Variants in SF1 observed in about 807,000 individuals in gnomAD.
SF1 encodes the protein splicing factor 1.
Under a neutral mutation model 62.5 loss-of-function variants are expected in SF1, and 7 were observed. That is an observed-to-expected ratio of 0.11 (90% CI 0.06 to 0.21). The LOEUF (loss-of-function observed/expected upper bound fraction) is 0.21. SF1 is among the 10% of genes least tolerant of loss of function. The pLI, the probability that SF1 is intolerant of heterozygous loss-of-function variation, is 1.00. For missense variants in SF1, 578 were observed against 884.0 expected (o/e 0.65, Z 4.39); for synonymous variants, 394 against 323.6 (o/e 1.22, Z -2.33).
At chr11:64,766,822 CT>C (rs1413177930) in intron 12 of SF1, 77 bp downstream of exon 12, 5 of 1,211,676 alleles carry the variant, frequency 4.1e-6, no homozygotes, top group Non-Finnish European at 1.1e-6. Context: ...CACCTGCCTG[CT>C]TGTGTGAGGC....
rs1841710420 is a variant in SF1, at chr11:64,778,495, G to A, written c.-103C>T. ...GGACCCGAATGCGCTGCCGGAGCGC[G>A]CGGAGCCCGTCCTCTCACGCGGCGG... On this transcript the variant is annotated 5_prime_UTR_variant, in exon 1 of 13. Coordinates refer to ENST00000377390, the MANE Select transcript of SF1 (RefSeq NM_004630.4). The A allele has an allele frequency of 2.5e-6, 3 of 1,200,634 alleles. No homozygotes were observed. Among genetic ancestry groups the A allele is most frequent in the Non-Finnish European group, 3.1e-6 (3 of 967,354 alleles). 74.4% of individuals were successfully genotyped at this position (1,200,634 alleles called of 1,614,324 possible).
At chr11:64,766,331 CT>C (rs2058668011) in intron 12 of SF1, 176 bp from the exon 13 acceptor site, 1 of 585,140 alleles carries the variant, frequency 1.7e-6, no homozygotes, top group Non-Finnish European at 3.0e-6. Context: ...CAGGACTACC[CT>C]GGGGTCAGCC....
chr11:64,774,254 C>T (rs1938779661), intron 2 of SF1, among the ~76,000 whole-genome samples: 1 of 152,164 alleles, frequency 6.6e-6, no homozygotes, highest in Non-Finnish European at 1.5e-5. Context: ...ATATGGGGAG[C>T]AGGCGTGTAG....
rs536798920 is a variant in SF1, at chr11:64,767,220, A to C, written c.1374T>G (p.Ser458=). 4 of 1,614,144 alleles carry C rather than the reference A, an allele frequency of 2.5e-6. No homozygotes were observed. The South Asian group carries it at 4.4e-5, about 18-fold the overall frequency. Residue 458 remains serine (S), a synonymous_variant, in exon 11 of 13, where the codon TCT becomes TCG. Transcript: ENST00000377390. ...DQYLGSTPVG[S]GVYRLHQGKG... is the part of the protein sequence containing the mutation. ...TTCCTTGATGCAGGCGATAGACCCC[A>C]GAGCCCACAGGCGTACTTCCCAGGT...
At chr11:64,766,705 AACCAC>A in intron 12 of SF1, 190 bp downstream of exon 12, 2 of 478,010 alleles carry the variant, frequency 4.2e-6, no homozygotes, top group Non-Finnish European at 7.3e-6. Context: ...CCCCAGACAC[AACCAC>A]ACCAAACATC....
intron 6 of SF1, 42 bp downstream of exon 6, chr11:64,769,384 A>C (rs764751023): frequency 3.1e-6 from 5 of 1,613,618 alleles, no homozygotes; most frequent in Non-Finnish European, 4.2e-6. Context: ...GCCTCCACCT[A>C]GGTTTCTGCT....
chr11:64,777,417 T>A (rs1422763617), intron 1 of SF1: 247 of 663,608 alleles, frequency 3.7e-4, no homozygotes, highest in East Asian at 5.5e-4. Flanking sequence ...TGAACAGATT[T>A]AAAAAAAAAA....
At chr11:64,769,647 A>G (rs750287403) in intron 5 of SF1, 38 bp from the exon 6 acceptor site, 1 of 1,567,436 alleles carries the variant, frequency 6.4e-7, no homozygotes, top group Admixed American at 1.7e-5. Flanking sequence ...TACCTGACAA[A>G]TTCACACTCA....
At chr11:64,777,055 A>T (rs1939389952) in intron 1 of SF1, among the ~76,000 whole-genome samples, 1 of 152,174 alleles carries the variant, frequency 6.6e-6, no homozygotes, top group Non-Finnish European at 1.5e-5. Flanking sequence ...TCCCCTCACC[A>T]GTCACTTTTG....
chr11:64,775,964 T>C (rs1939156594), intron 2 of SF1: 1 of 157,274 alleles, frequency 6.4e-6, no homozygotes, highest in Non-Finnish European at 1.4e-5. Context: ...GAAGGGAAGG[T>C]TAAACTCTTA....
chr11:64,770,567 T>G, intron 3 of SF1, 159 bp from the exon 4 acceptor site: 1 of 734,442 alleles, frequency 1.4e-6, no homozygotes, highest in African/African-American at 1.8e-5. Context: ...TCGTGTGGAA[T>G]GGGGAGATGG....
Position 64,778,501 on chromosome 11 carries a change from C to G in SF1, c.-109G>C. 1 of 1,201,098 alleles carries G rather than the reference C, an allele frequency of 8.3e-7. No individual in the cohort carries two copies. Among genetic ancestry groups the G allele is most frequent in the Non-Finnish European group, 1.0e-6 (1 of 967,780 alleles). The allele number at this position is 1,201,098 out of a possible 1,614,324, so 74.4% of individuals were successfully genotyped here. A position where few individuals can be genotyped will look rare whatever the true frequency, so the allele number is the denominator to read the frequency against. On this transcript the variant is annotated 5_prime_UTR_variant, in exon 1 of 13. Transcript: ENST00000377390. ...GAATGCGCTGCCGGAGCGCGCGGAG[C>G]CCGTCCTCTCACGCGGCGGGCGGCG...
chr11:64,778,394 G>A lies in SF1; in HGVS notation c.-2C>T. The A allele has an allele frequency of 8.1e-7, 1 of 1,228,526 alleles. No individual in the cohort carries two copies. Among genetic ancestry groups the A allele is most frequent in the Non-Finnish European group, 1.0e-6 (1 of 984,728 alleles). 76.1% of individuals were successfully genotyped at this position (1,228,526 alleles called of 1,614,324 possible). The stretch of plus-strand genomic sequence containing the variant: ...CGTGGCGTTCGCTCCGGTCGCCATG[G>A]CGCCCCCGGGGACAGGCACCGGCAC... On this transcript the variant is annotated 5_prime_UTR_variant, in exon 1 of 13. Transcript: ENST00000377390.
chr11:64,776,396 A>G, intron 2 of SF1, 102 bp downstream of exon 2: 1 of 1,327,024 alleles, frequency 7.5e-7, no homozygotes, highest in Non-Finnish European at 1.1e-6. Flanking sequence ...ATCTCATCTC[A>G]AAAAAGATAA....
intron 7 of SF1, 22 bp downstream of exon 7, chr11:64,769,201 C>T: frequency 6.2e-7 from 1 of 1,611,674 alleles, no homozygotes; most frequent in Non-Finnish European, 8.5e-7. Context: ...TCTCTACACT[C>T]TCCTTTAAAC....
intron 8 of SF1, 84 bp from the exon 9 acceptor site, chr11:64,768,370 G>T: frequency 7.7e-7 from 1 of 1,295,594 alleles, no homozygotes; most frequent in Non-Finnish European, 1.1e-6. Context: ...CCAACATATG[G>T]AAAGTTCTGA....
chr11:64,777,911 T>TCGCCGC (rs962106696), intron 1 of SF1: 40 of 955,000 alleles, frequency 4.2e-5, no homozygotes, highest in Non-Finnish European at 4.5e-5. Flanking sequence ...GCAGCCGCCG[T>TCGCCGC]CGCCGCCGCC....
intron 12 of SF1, 24 bp from the exon 13 acceptor site, chr11:64,766,179 G>T: frequency 6.3e-7 from 1 of 1,596,648 alleles, no homozygotes. Flanking sequence ...GAAGCCCAAG[G>T]TCACACGCGC....
rs1939769254 is a variant in SF1 at position 64,778,404 on chromosome 11, G to A, written c.-12C>T. 1.6e-6 allele frequency: 2 copies of A among 1,228,336 alleles called. No individual in the cohort carries two copies. The highest frequency in any genetic ancestry group is 1.0e-6 in the Non-Finnish European group (1 of 984,580). The allele number at this position is 1,228,336 out of a possible 1,614,324, so 76.1% of individuals were successfully genotyped here. On this transcript the variant is annotated 5_prime_UTR_variant, in exon 1 of 13. Coordinates refer to ENST00000377390, the MANE Select transcript of SF1 (RefSeq NM_004630.4). ...GCTCCGGTCGCCATGGCGCCCCCGG[G>A]GACAGGCACCGGCACCTGCTTTTCC...
Sources: allele counts gnomAD v4.1 joint callset (sites outside exome capture counted in the v4.1 genomes callset), GRCh38; gene constraint gnomAD v4.1.1; transcripts MANE v1.5; gene names NCBI Gene and HGNC (gene_info 2026-07-23, HGNC 2026-07-21).